Variants in KCNH8 observed in about 807,000 individuals in gnomAD.
KCNH8 encodes potassium voltage-gated channel subfamily H member 8, also known as voltage-gated delayed rectifier potassium channel KCNH8.
In KCNH8, 70 loss-of-function variants were observed where a neutral mutation model predicts 103.6. The ratio of observed to expected loss-of-function variants is 0.68; its 90% confidence interval spans 0.56 to 0.82. The LOEUF (loss-of-function observed/expected upper bound fraction) is 0.82. Among genes scored for constraint, KCNH8 ranks in the 40% least tolerant of loss-of-function variants. The pLI, the probability that KCNH8 is intolerant of heterozygous loss-of-function variation, is 0.00. For missense variants in KCNH8, 1,217 were observed against 1,329.9 expected (o/e 0.92, Z 1.32); for synonymous variants, 498 against 489.4 (o/e 1.02, Z -0.23).
intron 1 of KCNH8, among the ~76,000 whole-genome samples, chr3:19,210,272 T>G (rs1354890944): frequency 6.6e-6 from 1 of 152,116 alleles, no homozygotes; most frequent in Non-Finnish European, 1.5e-5. Context: ...CTCGATGTTT[T>G]TTTTCTTTCT....
chr3:19,287,338 G>C (rs2064845817), intron 3 of KCNH8, among the ~76,000 whole-genome samples: 1 of 152,088 alleles, frequency 6.6e-6, no homozygotes. Flanking sequence ...TGTGCCCATT[G>C]GGTTTTTTAA....
chr3:19,341,358 C>T lies in KCNH8; in HGVS notation c.443-1229C>T, dbSNP rs374133363. 3.3e-5 allele frequency among the ~76,000 whole-genome samples: 5 copies of T among 152,150 alleles called. No homozygotes were observed. The South Asian group carries it at 6.2e-4, about 19-fold the overall frequency. On this transcript the variant is annotated intron_variant, in intron 3 of 15. Transcript: ENST00000328405. ...TATCTTTCACTAGCGCTGGCTGTGG[C>T]CAATTATCATTTCAGAGAGACAGTT...
In KCNH8 at chr3:19,300,632, T is replaced by C. The variant is rs898613917; in HGVS notation, c.442+19303T>C. Among the ~76,000 whole-genome samples, 3 of 152,276 alleles carry C rather than the reference T, an allele frequency of 2.0e-5. No homozygotes were observed. In the East Asian group the frequency reaches 5.8e-4, roughly 29 times the overall value. ...TTTCAAGGTATTTAAGAGCGGAGAT[T>C]ACATAACGGTTTACAGTTTCTAATA... On this transcript the variant is annotated intron_variant, in intron 3 of 15. Coordinates refer to ENST00000328405, the MANE Select transcript of KCNH8 (RefSeq NM_144633.3).
Position 19,510,563 on chromosome 3 carries a change from T to C in KCNH8, c.2079+162T>C, listed in dbSNP as rs144235173. On this transcript the variant is annotated intron_variant, in intron 12 of 15. Transcript: ENST00000328405. ...CAACTGACTTGCTTGAGTTTGAGTA[T>C]AGAGGAGAATTGAAACTCATAGTTC... 7.6e-4 allele frequency among the ~76,000 whole-genome samples: 116 copies of C among 152,292 alleles called. 1 individual carries two copies. The highest frequency in any genetic ancestry group is 2.7e-3 in the African/African-American group (113 of 41,578).
At chr3:19,382,738 T>A (rs1393411900) in intron 5 of KCNH8, among the ~76,000 whole-genome samples, 1 of 152,022 alleles carries the variant, frequency 6.6e-6, no homozygotes, top group Non-Finnish European at 1.5e-5. Flanking sequence ...GGACTCGAAA[T>A]TCTACACTGT....
At position 19,493,858 on chromosome 3, in the gene KCNH8, AC is replaced by A. The variant is rs552295670; in HGVS notation, c.2041-16504del. 6.9e-3 allele frequency among the ~76,000 whole-genome samples: 1,051 copies of A among 152,214 alleles called. 7 individuals carry two copies. Among genetic ancestry groups the A allele is most frequent in the Middle Eastern group, 0.014 (4 of 292 alleles). On this transcript the variant is annotated intron_variant, in intron 11 of 15. Coordinates refer to ENST00000328405, the MANE Select transcript of KCNH8 (RefSeq NM_144633.3). ...CATTAATATAGATTGTTTTATTATA[AC>A]TTTTATTTTAGGTTCAGGGGTACAT...
chr3:19,405,339 T>C (rs1385268406), intron 7 of KCNH8, among the ~76,000 whole-genome samples: 2 of 151,908 alleles, frequency 1.3e-5, no homozygotes, highest in East Asian at 3.9e-4. Flanking sequence ...TGACTTTAAA[T>C]TATTTTATAG....
intron 7 of KCNH8, among the ~76,000 whole-genome samples, chr3:19,403,572 C>T (rs1042667113): frequency 4.0e-5 from 6 of 150,344 alleles, no homozygotes; most frequent in Admixed American, 3.3e-4. Flanking sequence ...TAAGGTATAC[C>T]TTATACAGGT....
At position 19,461,507 on chromosome 3, in the gene KCNH8, C is replaced by G. The variant is rs145534480; in HGVS notation, c.2040+4525C>G. ...TTTTCACAGACAAAACCAAAAATAT[C>G]CAGTCACACAGGATTTTCTGTGGTT... On this transcript the variant is annotated intron_variant, in intron 11 of 15. Transcript: ENST00000328405. Among the ~76,000 whole-genome samples the G allele has an allele frequency of 1.2e-3, 182 of 152,214 alleles. 2 individuals are homozygous for G. Among genetic ancestry groups the G allele is most frequent in the African/African-American group, 4.1e-3 (170 of 41,534 alleles).
chr3:19,499,579 C>A (rs1421163432), intron 11 of KCNH8, among the ~76,000 whole-genome samples: 1 of 152,200 alleles, frequency 6.6e-6, no homozygotes, highest in Non-Finnish European at 1.5e-5. Context: ...AGCAGACTAA[C>A]AGCAGATCTC....
intron 3 of KCNH8, 46 bp from the exon 4 acceptor site, chr3:19,342,522 AAAATGACATTCTTGAGGTG>A: frequency 6.5e-7 from 1 of 1,528,130 alleles, no homozygotes; most frequent in Non-Finnish European, 8.9e-7. Context: ...GGGAACTGTC[AAAATGACATTCTTGAGGTG>A]AAATGATGCA....
At chr3:19,473,007 T>C (rs970083801) in intron 11 of KCNH8, among the ~76,000 whole-genome samples, 3 of 152,222 alleles carry the variant, frequency 2.0e-5, no homozygotes, top group African/African-American at 7.2e-5. Flanking sequence ...AATCCTTGCA[T>C]TGTTTCTGGG....
At chr3:19,377,066 A>G (rs73818603) in intron 5 of KCNH8, among the ~76,000 whole-genome samples, 18 of 152,330 alleles carry the variant, frequency 1.2e-4, no homozygotes, top group East Asian at 1.9e-4. Context: ...CTAGAATACA[A>G]TGGGAATCTA....
intron 1 of KCNH8, among the ~76,000 whole-genome samples, chr3:19,183,760 T>C (rs1489375743): frequency 6.6e-6 from 1 of 152,116 alleles, no homozygotes; most frequent in South Asian, 2.1e-4. Context: ...AAAGAACTTG[T>C]GGTTAGTCTA....
chr3:19,149,516 A>G (rs921482888), intron 1 of KCNH8, among the ~76,000 whole-genome samples: 4 of 152,118 alleles, frequency 2.6e-5, no homozygotes, highest in African/African-American at 9.7e-5. Flanking sequence ...AGGAAAAAAA[A>G]TAGATAGGAT....
chr3:19,170,994 G>C (rs1012624628), intron 1 of KCNH8, among the ~76,000 whole-genome samples: 15 of 151,348 alleles, frequency 9.9e-5, no homozygotes, highest in African/African-American at 3.2e-4. Context: ...TGTATTTTTA[G>C]TAGAGACGGG....
intron 3 of KCNH8, among the ~76,000 whole-genome samples, chr3:19,286,280 T>C (rs545924430): frequency 3.3e-5 from 5 of 152,338 alleles, no homozygotes; most frequent in African/African-American, 9.6e-5. Context: ...TAACGGTATT[T>C]GAGGCCTTTG....
rs142135942 is a variant in KCNH8, at chr3:19,515,666, T to C, written c.2542+238T>C. Among the ~76,000 whole-genome samples, 165 of 152,154 alleles carry C rather than the reference T, an allele frequency of 1.1e-3. 1 individual carries two copies. The highest frequency in any genetic ancestry group is 3.7e-3 in the African/African-American group (153 of 41,554). ...AGCTACCATTTAGCAGCGAAGGTAA[T>C]TGATATGCCAGGAGACTCAAATTTC... On this transcript the variant is annotated intron_variant, in intron 14 of 15. Coordinates refer to ENST00000328405, the MANE Select transcript of KCNH8 (RefSeq NM_144633.3).
intron 1 of KCNH8, among the ~76,000 whole-genome samples, chr3:19,246,840 T>C (rs2064212855): frequency 6.6e-6 from 1 of 152,186 alleles, no homozygotes; most frequent in Admixed American, 6.5e-5. Context: ...AATTTCCACC[T>C]GAGGGTGATG....
Sources: allele counts gnomAD v4.1 joint callset (sites outside exome capture counted in the v4.1 genomes callset), GRCh38; gene constraint gnomAD v4.1.1; transcripts MANE v1.5; gene names NCBI Gene and HGNC (gene_info 2026-07-23, HGNC 2026-07-21).